The following METTL24 variants were observed in gnomAD, a reference collection of about 807,000 sequenced individuals.
METTL24 encodes probable methyltransferase-like protein 24.
METTL24 carries 29 observed loss-of-function variants against 32.7 expected under a neutral mutation model. The observed-to-expected ratio is 0.89, with a 90% confidence interval of 0.66 to 1.21. The LOEUF is 1.21. METTL24 is among the 50% of genes most tolerant of loss of function. The pLI, the probability that METTL24 is intolerant of heterozygous loss-of-function variation, is 0.00. For synonymous variants in METTL24, 163 were observed against 179.5 expected (o/e 0.91, Z 0.73); for missense variants, 439 against 468.1 (o/e 0.94, Z 0.57).
chr6:110,276,731 G>A (rs1185766427), intron 4 of METTL24, among the ~76,000 whole-genome samples: 1 of 152,146 alleles, frequency 6.6e-6, no homozygotes, highest in Non-Finnish European at 1.5e-5. Context: ...CCCTTCTGCA[G>A]GGATTTCCCA....
At chr6:110,329,917 T>C (rs1582429801) in intron 1 of METTL24, among the ~76,000 whole-genome samples, 1 of 152,204 alleles carries the variant, frequency 6.6e-6, no homozygotes, top group African/African-American at 2.4e-5. Context: ...ATTTGAGGAA[T>C]CTGAAAAGTA....
At chr6:110,338,124 A>T (rs1772276789) in intron 1 of METTL24, among the ~76,000 whole-genome samples, 1 of 152,238 alleles carries the variant, frequency 6.6e-6, no homozygotes. Flanking sequence ...AGGGAAATTC[A>T]CTAACTGGAC....
At chr6:110,348,342 TAGATG>T (rs1772522316) in intron 1 of METTL24, among the ~76,000 whole-genome samples, 1 of 152,250 alleles carries the variant, frequency 6.6e-6, no homozygotes, top group Admixed American at 6.5e-5. Context: ...GCCCATCTTA[TAGATG>T]AAGCTGCACC....
intron 4 of METTL24, among the ~76,000 whole-genome samples, chr6:110,271,749 G>A (rs1197090801): frequency 6.6e-6 from 1 of 152,132 alleles, no homozygotes; most frequent in Non-Finnish European, 1.5e-5. Context: ...ACAGTTCATA[G>A]CTAAATATAA....
At chr6:110,341,233 A>G (rs1005175820) in intron 1 of METTL24, among the ~76,000 whole-genome samples, 3 of 152,214 alleles carry the variant, frequency 2.0e-5, no homozygotes, top group Non-Finnish European at 4.4e-5. Flanking sequence ...TATGTGTTAA[A>G]CAGGCTCCAA....
intron 4 of METTL24, among the ~76,000 whole-genome samples, chr6:110,278,031 G>A (rs1029476230): frequency 6.6e-6 from 1 of 152,142 alleles, no homozygotes; most frequent in East Asian, 1.9e-4. Flanking sequence ...TTGTCAGGGA[G>A]AGGCATATTG....
At chr6:110,269,331 CTGT>C (rs1466171703) in intron 4 of METTL24, among the ~76,000 whole-genome samples, 4 of 152,070 alleles carry the variant, frequency 2.6e-5, no homozygotes, top group Admixed American at 6.6e-5. Context: ...GAGTTCTTTG[CTGT>C]TGTTGTTGTT....
At chr6:110,259,556 C>G (rs1454946253) in intron 4 of METTL24, among the ~76,000 whole-genome samples, 1 of 152,234 alleles carries the variant, frequency 6.6e-6, no homozygotes, top group Admixed American at 6.5e-5. Context: ...CATAGCCAAA[C>G]AAAAGGCAGC....
chr6:110,324,511 C>T (rs1483977868), intron 1 of METTL24, among the ~76,000 whole-genome samples: 1 of 152,210 alleles, frequency 6.6e-6, no homozygotes, highest in Non-Finnish European at 1.5e-5. Context: ...CTGCTCCTTG[C>T]AGAGCAGGGC....
chr6:110,262,183 T>G (rs1317444987), intron 4 of METTL24, among the ~76,000 whole-genome samples: 1 of 152,072 alleles, frequency 6.6e-6, no homozygotes, highest in South Asian at 2.1e-4. Context: ...CAGGAGCTGG[T>G]TTTTTGAAAA....
At chr6:110,288,612 C>G (rs1771265368) in intron 4 of METTL24, among the ~76,000 whole-genome samples, 1 of 151,886 alleles carries the variant, frequency 6.6e-6, no homozygotes, top group Non-Finnish European at 1.5e-5. Context: ...TTCCCCCATG[C>G]CAAACACAAA....
intron 1 of METTL24, among the ~76,000 whole-genome samples, chr6:110,341,464 T>C (rs1772354747): frequency 6.6e-6 from 1 of 152,222 alleles, no homozygotes; most frequent in African/African-American, 2.4e-5. Flanking sequence ...GCAAAATGAA[T>C]ATTCACTATT....
intron 1 of METTL24, among the ~76,000 whole-genome samples, chr6:110,343,006 A>G (rs1270228621): frequency 6.6e-6 from 1 of 152,200 alleles, no homozygotes; most frequent in East Asian, 1.9e-4. Flanking sequence ...TAATGACCCT[A>G]TGAATAATCA....
chr6:110,254,804 T>C (rs893495219), intron 4 of METTL24, among the ~76,000 whole-genome samples: 2 of 152,230 alleles, frequency 1.3e-5, no homozygotes, highest in Non-Finnish European at 2.9e-5. Flanking sequence ...TTTAGTCTAC[T>C]GGTGAAAAGT....
chr6:110,307,586 T>G (rs1771647602), intron 3 of METTL24, among the ~76,000 whole-genome samples: 1 of 152,174 alleles, frequency 6.6e-6, no homozygotes. Context: ...TTGGGGAAGT[T>G]GCACACATCA....
At chr6:110,357,909 G>T in intron 1 of METTL24, 46 bp downstream of exon 1, 2 of 1,120,436 alleles carry the variant, frequency 1.8e-6, no homozygotes, top group Non-Finnish European at 2.2e-6. Flanking sequence ...GCGGTCGGGA[G>T]GGGGCTTCTG....
At chr6:110,318,778 C>T (rs1771876043) in intron 2 of METTL24, among the ~76,000 whole-genome samples, 1 of 152,084 alleles carries the variant, frequency 6.6e-6, no homozygotes, top group Non-Finnish European at 1.5e-5. Context: ...ACTGAAAGTC[C>T]TCCATAAACT....
chr6:110,296,057 C>T (rs116303378), intron 4 of METTL24, among the ~76,000 whole-genome samples: 10,048 of 152,124 alleles, frequency 0.066, 478 homozygotes, highest in African/African-American at 0.14. Context: ...ACTCGCCCAA[C>T]GCCAAAAGCC....
chr6:110,253,955 G>A (rs1343238875), intron 4 of METTL24: 2 of 1,442,928 alleles, frequency 1.4e-6, no homozygotes, highest in Admixed American at 2.4e-5. Context: ...AGGATGGCAA[G>A]TGGGTGAAGG....
Sources: gnomAD v4.1 joint callset for allele counts (sites outside exome capture counted in the v4.1 genomes callset) on GRCh38, gnomAD v4.1.1 for gene constraint, MANE v1.5 for transcripts, NCBI Gene and HGNC (gene_info 2026-07-23, HGNC 2026-07-21) for gene names.